PICALM: variants seen among roughly 807,000 people sequenced by gnomAD.
The protein encoded by PICALM is phosphatidylinositol-binding clathrin assembly protein.
A neutral mutation model predicts 80.5 loss-of-function variants in PICALM; 40 were observed. The ratio of observed to expected loss-of-function variants is 0.50; its 90% CI spans 0.39 to 0.65. The LOEUF (loss-of-function observed/expected upper bound fraction) is 0.65. Ranked by LOEUF, PICALM falls within the 30% of genes least tolerant of loss-of-function variation. The pLI is 0.00. For synonymous variants in PICALM, 288 were observed against 260.3 expected, an observed-to-expected ratio of 1.11 and a Z score of -1.02; for missense variants, 676 against 778.9, an observed-to-expected ratio of 0.87 and a Z score of 1.57.
intron 1 of PICALM, among the ~76,000 whole-genome samples, chr11:86,032,281 T>A (rs2095765239): frequency 1.3e-5 from 2 of 152,064 alleles, no homozygotes; most frequent in Admixed American, 6.5e-5. Flanking sequence ...TTAAGAAGAG[T>A]AACCTACAAT....
intron 2 of PICALM, among the ~76,000 whole-genome samples, chr11:86,029,001 C>T (rs2095702214): frequency 6.6e-6 from 1 of 151,994 alleles, no homozygotes; most frequent in African/African-American, 2.4e-5. Context: ...CCACGCTTGG[C>T]TAATTTTTGT....
intron 1 of PICALM, among the ~76,000 whole-genome samples, chr11:86,054,278 C>T (rs2096237094): frequency 6.6e-6 from 1 of 152,192 alleles, no homozygotes; most frequent in South Asian, 2.1e-4. Context: ...AACCTCACTA[C>T]AAACTATGTG....
intron 6 of PICALM, 34 bp downstream of exon 6, chr11:86,012,247 A>T (rs777876312): frequency 1.7e-6 from 2 of 1,185,626 alleles, no homozygotes; most frequent in Non-Finnish European, 2.5e-6. Flanking sequence ...ATGACACAAG[A>T]TAAGAAATGT....
intron 13 of PICALM, among the ~76,000 whole-genome samples, chr11:85,986,028 C>G (rs1310186015): frequency 1.3e-5 from 2 of 151,930 alleles, no homozygotes; most frequent in Non-Finnish European, 2.9e-5. Flanking sequence ...GAAATTATGA[C>G]ATAATTACCT....
At chr11:86,006,467 G>C (rs1277078397) in intron 8 of PICALM, among the ~76,000 whole-genome samples, 2 of 152,022 alleles carry the variant, frequency 1.3e-5, no homozygotes, top group East Asian at 3.9e-4. Context: ...GGCTAATATG[G>C]AAAACCCCGT....
At position 86,012,318 on chromosome 11, in the gene PICALM, C is replaced by T; in HGVS notation, c.621G>A (p.Leu207=). 3.1e-6 allele frequency: 5 copies of T among 1,607,204 alleles called. No individual in the cohort carries two copies. Among genetic ancestry groups the T allele is most frequent in the Non-Finnish European group, 4.3e-6 (5 of 1,174,914 alleles). ...FMLLFKDAIR[L]FAAYNEGIIN... is the part of the protein sequence containing the mutation. ...TAATTCCTTCATTGTATGCTGCAAA[C>T]AGTCTAATGGCATCTTTGAACAGGA... Residue 207 remains leucine, a synonymous_variant, in exon 6 of 20, where the codon CTG becomes CTA. Coordinates refer to ENST00000393346, the MANE Select transcript of PICALM (RefSeq NM_007166.4).
rs2135216610 is a variant in PICALM at position 85,958,681 on chromosome 11, C to G, written c.*365G>C. On this transcript the variant is annotated 3_prime_UTR_variant, in exon 20 of 20. Transcript: ENST00000393346. ...TCCTGTTGAAATACAGTAAAGGACA[C>G]AGTTCTTCTCTCCAGGCAGCTTTTC... 3.9e-6 allele frequency: 1 copy of G among 255,356 alleles called. No individual in the cohort carries two copies. Among genetic ancestry groups the G allele is most frequent in the South Asian group, 1.7e-4 (1 of 5,808 alleles). 15.8% of individuals were successfully genotyped at this position (255,356 alleles called of 1,614,324 possible). A position where few individuals can be genotyped will look rare whatever the true frequency, so the allele number is the denominator to read the frequency against.
chr11:86,065,013 G>A (rs1213814048), intron 1 of PICALM, among the ~76,000 whole-genome samples: 1 of 152,124 alleles, frequency 6.6e-6, no homozygotes, highest in African/African-American at 2.4e-5. Context: ...GCCTGAGGAG[G>A]ATAAGGCTGC....
intron 1 of PICALM, among the ~76,000 whole-genome samples, chr11:86,043,968 T>C (rs1191303425): frequency 1.3e-5 from 2 of 152,212 alleles, no homozygotes; most frequent in Non-Finnish European, 2.9e-5. Flanking sequence ...CGAGAATCTT[T>C]ATATTCCACT....
intron 1 of PICALM, among the ~76,000 whole-genome samples, chr11:86,032,860 G>A (rs1297345548): frequency 1.3e-5 from 2 of 152,062 alleles, no homozygotes; most frequent in Non-Finnish European, 2.9e-5. Context: ...AGCAAGAAAT[G>A]ACAATGTAAC....
chr11:86,016,142 A>G (rs1432184236), intron 4 of PICALM, among the ~76,000 whole-genome samples: 1 of 151,990 alleles, frequency 6.6e-6, no homozygotes, highest in African/African-American at 2.4e-5. Flanking sequence ...TCATTTTTTT[A>G]CCTCTGGTTA....
At position 85,959,009 on chromosome 11, in the gene PICALM, T is replaced by C; in HGVS notation, c.*37A>G. ...AGTAAGGATTTTGCTGCTTGAGCAC[T>C]TGTCTTTTTGGAGTAATTCCATTTT... On this transcript the variant is annotated 3_prime_UTR_variant, in exon 20 of 20. Transcript: ENST00000393346. The C allele has an allele frequency of 6.4e-7, 1 of 1,559,890 alleles. No homozygotes were observed. Among genetic ancestry groups the C allele is most frequent in the Non-Finnish European group, 8.8e-7 (1 of 1,140,008 alleles).
At chr11:86,002,880 G>C (rs555223645) in intron 9 of PICALM, among the ~76,000 whole-genome samples, 2 of 152,062 alleles carry the variant, frequency 1.3e-5, no homozygotes, top group African/African-American at 4.8e-5. Context: ...GGCCGTGGTG[G>C]CATGCATCTG....
At chr11:86,060,081 C>T (rs2096334959) in intron 1 of PICALM, among the ~76,000 whole-genome samples, 4 of 152,096 alleles carry the variant, frequency 2.6e-5, no homozygotes, top group Admixed American at 1.3e-4. Flanking sequence ...TTGAAATCTT[C>T]CAAAAGTTGA....
At chr11:86,066,746 CAAA>C (rs201337814) in intron 1 of PICALM, among the ~76,000 whole-genome samples, 1 of 99,102 alleles carries the variant, frequency 1.0e-5, no homozygotes, top group Admixed American at 1.1e-4. Context: ...TACTCCCATA[CAAA>C]AAAAAAAAAC....
intron 17 of PICALM, among the ~76,000 whole-genome samples, chr11:85,980,048 G>A (rs1439285789): frequency 6.6e-6 from 1 of 152,096 alleles, no homozygotes; most frequent in African/African-American, 2.4e-5. Flanking sequence ...ATTATTCATG[G>A]ATTCCATATT....
intron 1 of PICALM, among the ~76,000 whole-genome samples, chr11:86,065,141 GA>G (rs2096426942): frequency 6.6e-6 from 1 of 151,954 alleles, no homozygotes; most frequent in Non-Finnish European, 1.5e-5. Context: ...TTTATATTAA[GA>G]AGTTATAAAT....
Position 86,069,036 on chromosome 11 carries a change from A to C in PICALM, c.-256T>G. On this transcript the variant is annotated 5_prime_UTR_variant, in exon 1 of 20. Transcript: ENST00000393346. The stretch of plus-strand genomic sequence containing the variant: ...AGTTCAGCCCACCCCTTCCCGGGTC[A>C]GCTGGAGCCGGGCAGGGTAAGAGGA... The C allele has an allele frequency of 2.2e-6, 1 of 447,708 alleles. No individual in the cohort carries two copies. The allele number at this position is 447,708 out of a possible 1,614,324, so 27.7% of individuals were successfully genotyped here.
intron 19 of PICALM, among the ~76,000 whole-genome samples, chr11:85,962,605 A>T (rs1045881641): frequency 2.6e-5 from 4 of 152,218 alleles, no homozygotes; most frequent in Non-Finnish European, 5.9e-5. Context: ...GTTGAAAAGG[A>T]TTACTTTTCC....
Sources: gnomAD v4.1 joint callset for allele counts (sites outside exome capture counted in the v4.1 genomes callset) on GRCh38, gnomAD v4.1.1 for gene constraint, MANE v1.5 for transcripts, NCBI Gene and HGNC (gene_info 2026-07-23, HGNC 2026-07-21) for gene names.